The following NUP133 variants were observed in gnomAD, a reference collection of about 807,000 sequenced individuals.
NUP133 encodes nuclear pore complex protein Nup133.
A neutral mutation model predicts 146.2 loss-of-function variants in NUP133; 66 were observed. That is an observed-to-expected ratio of 0.45 (90% CI 0.37 to 0.55). The LOEUF is 0.55. Among genes scored for constraint, NUP133 ranks in the 20% least tolerant of loss-of-function variants. The probability of loss-of-function intolerance (pLI) is 0.00; values close to 1 mark genes in which losing one functional copy is unlikely to be tolerated. For missense variants in NUP133, 1,277 were observed against 1,374.8 expected, an observed-to-expected ratio of 0.93 and a Z score of 1.12; for synonymous variants, 521 against 498.8, an observed-to-expected ratio of 1.04 and a Z score of -0.59.
chr1:229,447,794 G>C (rs201806598), intron 24 of NUP133, among the ~76,000 whole-genome samples: 1 of 152,126 alleles, frequency 6.6e-6, no homozygotes, highest in Non-Finnish European at 1.5e-5. Context: ...CTCACCCCAT[G>C]ATCTCCTCAT....
chr1:229,478,570 A>G (rs1027597421), intron 12 of NUP133, among the ~76,000 whole-genome samples: 2 of 152,170 alleles, frequency 1.3e-5, no homozygotes, highest in African/African-American at 4.8e-5. Context: ...AGGGAGCAAG[A>G]GTTTGGAAAA....
At chr1:229,475,121 T>G (rs989666898) in intron 14 of NUP133, among the ~76,000 whole-genome samples, 1 of 151,052 alleles carries the variant, frequency 6.6e-6, no homozygotes, top group Admixed American at 6.6e-5. Flanking sequence ...AATAAATAAA[T>G]AAAACAAACA....
chr1:229,483,148 G>A (rs1571928566), intron 12 of NUP133, among the ~76,000 whole-genome samples: 1 of 152,172 alleles, frequency 6.6e-6, no homozygotes, highest in East Asian at 1.9e-4. Context: ...ACTCAGGCTA[G>A]AATGCAGTGG....
chr1:229,475,597 G>T, intron 14 of NUP133, 41 bp downstream of exon 14: 1 of 1,460,112 alleles, frequency 6.8e-7, no homozygotes, highest in Non-Finnish European at 9.6e-7. Context: ...TGGAGAGACT[G>T]CCAAAGGCAG....
chr1:229,449,236 A>G, intron 23 of NUP133, 46 bp from the exon 24 acceptor site: 1 of 1,259,552 alleles, frequency 7.9e-7, no homozygotes. Context: ...CTGGCTCTGA[A>G]AGAAATACAT....
At chr1:229,442,538 T>C (rs1229437442) in intron 25 of NUP133, among the ~76,000 whole-genome samples, 1 of 152,194 alleles carries the variant, frequency 6.6e-6, no homozygotes, top group African/African-American at 2.4e-5. Context: ...GACATCTGTG[T>C]AGTTACAAAC....
chr1:229,487,974 G>A (rs1661404530), intron 9 of NUP133, among the ~76,000 whole-genome samples: 1 of 150,956 alleles, frequency 6.6e-6, no homozygotes, highest in Non-Finnish European at 1.5e-5. Context: ...CTCCTAAGTA[G>A]CTGGGATTAC....
chr1:229,454,684 G>A (rs1660523489), intron 21 of NUP133, among the ~76,000 whole-genome samples: 1 of 152,176 alleles, frequency 6.6e-6, no homozygotes, highest in Admixed American at 6.5e-5. Flanking sequence ...TAAAAGCTAA[G>A]AAGTGATCAA....
rs115536724 is a variant in NUP133, at chr1:229,487,020, A to G, written c.1342+446T>C. Among the ~76,000 whole-genome samples, 1,366 of 151,490 alleles carry G rather than the reference A, an allele frequency of 9.0e-3. 19 individuals carry two copies. The highest frequency in any genetic ancestry group is 0.031 in the African/African-American group (1,290 of 41,272). On this transcript the variant is annotated intron_variant, in intron 10 of 25. Coordinates refer to ENST00000261396, the MANE Select transcript of NUP133 (RefSeq NM_018230.3). ...AAACCTGGGTTCCATGCTGTTGCCT[A>G]CCTGCACTCTGTCCTCTGCCCAACC...
In NUP133 at chr1:229,495,904, G is replaced by C. The variant is rs34881534; in HGVS notation, c.963C>G (p.Thr321=). 10 of 1,592,796 alleles carry C rather than the reference G, an allele frequency of 6.3e-6. No individual in the cohort carries two copies. The African/African-American group carries it at 1.4e-4, about 22-fold the overall frequency. The change falls in exon 7 of 26, where the codon ACC becomes ACG. Residue 321 remains threonine (T), a synonymous_variant. Coordinates refer to ENST00000261396, the MANE Select transcript of NUP133 (RefSeq NM_018230.3). Reference sequence around the variant, plus strand: ...TATTGTTTCTTACCCAAATAGCATCGGTAATGTTTTCCTTCAGGGCTCTAT... The same window carrying C: ...TATTGTTTCTTACCCAAATAGCATCCGTAATGTTTTCCTTCAGGGCTCTAT... ...DINRALKENI[T]DAIWGSESNY...
chr1:229,474,358 T>C (rs565561290), intron 14 of NUP133, among the ~76,000 whole-genome samples: 10 of 152,296 alleles, frequency 6.6e-5, no homozygotes, highest in African/African-American at 1.2e-4. Context: ...TAAACGACCA[T>C]ATCGGGAGAA....
chr1:229,460,804 A>C (rs763261914), intron 19 of NUP133, 35 bp from the exon 20 acceptor site: 100 of 1,552,660 alleles, frequency 6.4e-5, no homozygotes, highest in Non-Finnish European at 8.0e-5. Flanking sequence ...CATTCATAAT[A>C]GTTTAAAAAA....
chr1:229,444,991 G>C lies in NUP133; in HGVS notation c.3257C>G (p.Ser1086Cys), dbSNP rs749225277. Residue 1086 changes from serine (S) to cysteine (C), a missense_variant, in exon 25 of 26, where the codon TCT becomes TGT. By Grantham distance (112) the Ser-to-Cys change is moderately radical (BLOSUM62 -1). Around this residue, in one of 3 missense-constraint regions of NUP133, gnomAD observed 952 missense variants for 1,047.0 expected, o/e 0.91. Coordinates refer to ENST00000261396, the MANE Select transcript of NUP133 (RefSeq NM_018230.3). ...TTCAATTGGATCATCTTTGCCATCA[G>C]AACTGGACCAGCTAGAAAACAAAAT... Reference protein sequence around the residue: ...KALQRDNWSSSDGKDDPIEVS... With the variant: ...KALQRDNWSSCDGKDDPIEVS... 6.2e-7 allele frequency: 1 copy of C among 1,610,198 alleles called. No homozygotes were observed. Among genetic ancestry groups the C allele is most frequent in the Non-Finnish European group, 8.5e-7 (1 of 1,177,612 alleles).
chr1:229,442,356 TG>T (rs1208829867), intron 25 of NUP133, among the ~76,000 whole-genome samples: 1 of 152,260 alleles, frequency 6.6e-6, no homozygotes, highest in Non-Finnish European at 1.5e-5. Flanking sequence ...AACACTTATA[TG>T]ATCCCCTATT....
Position 229,470,749 on chromosome 1 carries a change from G to A in NUP133, c.1907C>T (p.Thr636Ile). 1 of 1,614,232 alleles carries A rather than the reference G, an allele frequency of 6.2e-7. No homozygotes were observed. The highest frequency in any genetic ancestry group is 8.5e-7 in the Non-Finnish European group (1 of 1,180,052). Reference sequence around the variant, plus strand: ...GGCATGCTCACAGAGCAACAGTCGAGTGGCCATCGGTGTCCCTCTAACTGG... The same window carrying A: ...GGCATGCTCACAGAGCAACAGTCGAATGGCCATCGGTGTCCCTCTAACTGG... ...SFPVRGTPMATRLLLCEHAEK... is the reference protein window; with the variant it reads ...SFPVRGTPMAIRLLLCEHAEK... Residue 636 changes from threonine to isoleucine, a missense_variant, in exon 15 of 26, where the codon ACT becomes ATT. By Grantham distance (89) the Thr-to-Ile change is moderately conservative. Around this residue, in one of 3 missense-constraint regions of NUP133, gnomAD observed 952 missense variants for 1,047.0 expected, o/e 0.91. Coordinates refer to ENST00000261396, the MANE Select transcript of NUP133 (RefSeq NM_018230.3).
chr1:229,485,508 A>G (rs1374675804), intron 11 of NUP133, among the ~76,000 whole-genome samples: 2 of 152,240 alleles, frequency 1.3e-5, no homozygotes, highest in African/African-American at 4.8e-5. Flanking sequence ...ACAAAGTTCT[A>G]TAATAAAGGA....
chr1:229,503,170 C>T lies in NUP133; in HGVS notation c.302-1068G>A, dbSNP rs552588553. Among the ~76,000 whole-genome samples the T allele has an allele frequency of 3.0e-3, 459 of 151,816 alleles. 2 individuals are homozygous for T. The highest frequency in any genetic ancestry group is 0.011 in the African/African-American group (447 of 41,392). ...GCGTGCACCTGTAATCCTAGCTACT[C>T]GGGAGGCTGAGGCAGGAGAATTACT... On this transcript the variant is annotated intron_variant, in intron 2 of 25. Transcript: ENST00000261396.
intron 8 of NUP133, among the ~76,000 whole-genome samples, chr1:229,490,921 A>C (rs1346379648): frequency 6.6e-6 from 1 of 151,132 alleles, no homozygotes; most frequent in Non-Finnish European, 1.5e-5. Flanking sequence ...ACTGCACTCC[A>C]GCCTGGGCGA....
At chr1:229,484,233 C>CT in intron 11 of NUP133, 88 bp from the exon 12 acceptor site, 1 of 847,050 alleles carries the variant, frequency 1.2e-6, no homozygotes, top group Non-Finnish European at 1.9e-6. Flanking sequence ...CCTATGATAG[C>CT]AACTCCGCAT....
Sources: allele counts gnomAD v4.1 joint callset (sites outside exome capture counted in the v4.1 genomes callset), GRCh38; gene constraint gnomAD v4.1.1; regional missense constraint gnomAD v4.1.1; transcripts MANE v1.5; gene names NCBI Gene and HGNC (gene_info 2026-07-23, HGNC 2026-07-21).